The following ERG variants were observed in gnomAD, a reference collection of about 807,000 sequenced individuals.
The protein encoded by ERG is ETS transcription factor ERG.
Under a neutral mutation model 55.3 loss-of-function variants are expected in ERG, and 9 were observed. The ratio of observed to expected loss-of-function variants is 0.16; its 90% CI spans 0.10 to 0.28. The LOEUF (loss-of-function observed/expected upper bound fraction) is 0.28, where lower values mean the gene tolerates loss of function less well. Among genes scored for constraint, ERG ranks in the 10% least tolerant of loss-of-function variants. ERG has a pLI of 1.00. For missense variants in ERG, 434 were observed against 631.6 expected (o/e 0.69, Z 3.35); for synonymous variants, 223 against 237.3 (o/e 0.94, Z 0.55).
intron 2 of ERG, among the ~76,000 whole-genome samples, chr21:38,429,973 T>C (rs984170864): frequency 6.6e-6 from 1 of 152,206 alleles, no homozygotes; most frequent in Non-Finnish European, 1.5e-5. Context: ...ACTAGTTCCA[T>C]AGTGGTTGTA....
At chr21:38,513,511 T>C (rs999050163) in intron 2 of ERG, among the ~76,000 whole-genome samples, 3 of 152,212 alleles carry the variant, frequency 2.0e-5, no homozygotes, top group East Asian at 1.9e-4. Context: ...ATTTTGGGCA[T>C]TGAGGATTCA....
chr21:38,607,652 A>G (rs930012420), intron 1 of ERG, among the ~76,000 whole-genome samples: 7 of 152,204 alleles, frequency 4.6e-5, no homozygotes, highest in Admixed American at 1.3e-4. Flanking sequence ...AAAAAAATAC[A>G]AAGGTAAACA....
chr21:38,456,726 G>C (rs557689369), intron 1 of ERG, among the ~76,000 whole-genome samples: 11 of 152,316 alleles, frequency 7.2e-5, no homozygotes, highest in South Asian at 6.2e-4. Flanking sequence ...TCCCTGCCAA[G>C]GTCTTTCTTC....
rs186523256 is a variant in ERG, at chr21:38,415,846, T to C, written c.388+7564A>G. On this transcript the variant is annotated intron_variant, in intron 3 of 9. Transcript: ENST00000288319. The stretch of plus-strand genomic sequence containing the variant: ...ATTACTGTTAACTTGATAAATCACA[T>C]TTACTCTCCTCCACACAGAATCCAA... Among the ~76,000 whole-genome samples the C allele has an allele frequency of 2.3e-4, 35 of 152,184 alleles. 1 individual carries two copies. The highest frequency in any genetic ancestry group is 2.0e-3 in the Admixed American group (31 of 15,270).
At chr21:38,384,055 C>A in intron 9 of ERG, 132 bp from the exon 10 acceptor site, 1 of 1,230,940 alleles carries the variant, frequency 8.1e-7, no homozygotes, top group Non-Finnish European at 1.1e-6. Context: ...GTCCGTCCAT[C>A]CCTCAGCTGC....
chr21:38,429,577 A>G lies in ERG; in HGVS notation c.237-6016T>C, dbSNP rs1315438500. Among the ~76,000 whole-genome samples, 2 of 90,590 alleles carry G rather than the reference A, an allele frequency of 2.2e-5. 1 individual carries two copies. The highest frequency in any genetic ancestry group is 7.0e-5 in the African/African-American group (2 of 28,620). The allele number at this position is 90,590 out of a possible 152,430, so 59.4% of individuals were successfully genotyped here. A position where few individuals can be genotyped will look rare whatever the true frequency, so the allele number is the denominator to read the frequency against. On this transcript the variant is annotated intron_variant, in intron 2 of 9. Coordinates refer to ENST00000288319, the MANE Select transcript of ERG (RefSeq NM_182918.4). ...TATGTACATGTATACACATGTACAT[A>G]TATACATATGTGTATATGTACATGT... is the stretch of plus-strand genomic sequence containing the variant.
chr21:38,532,376 T>C (rs1004915203), intron 2 of ERG, among the ~76,000 whole-genome samples: 2 of 147,548 alleles, frequency 1.4e-5, no homozygotes, highest in Non-Finnish European at 3.0e-5. Flanking sequence ...GGAAATGTGA[T>C]TGTAGGCTTC....
intron 1 of ERG, among the ~76,000 whole-genome samples, chr21:38,455,600 A>G (rs2058980749): frequency 6.6e-6 from 1 of 152,158 alleles, no homozygotes; most frequent in Non-Finnish European, 1.5e-5. Flanking sequence ...TCATCTGTGA[A>G]TCTCTGACAC....
At chr21:38,658,131 A>C (rs1363013986) in intron 1 of ERG, among the ~76,000 whole-genome samples, 1 of 152,236 alleles carries the variant, frequency 6.6e-6, no homozygotes, top group Admixed American at 6.5e-5. Context: ...AGGAAAAAAG[A>C]ACTCCTTTGC....
chr21:38,395,876 T>C (rs2146438839), intron 6 of ERG, among the ~76,000 whole-genome samples: 1 of 152,286 alleles, frequency 6.6e-6, no homozygotes, highest in East Asian at 1.9e-4. Flanking sequence ...ACATTCTCCC[T>C]TCATCAAACT....
upstream of ERG, among the ~76,000 whole-genome samples, chr21:38,589,682 C>T (rs1022925361): frequency 2.0e-5 from 3 of 152,130 alleles, no homozygotes; most frequent in African/African-American, 4.8e-5. Flanking sequence ...AGAGCCATCC[C>T]AGGACCATGA....
At chr21:38,551,250 G>A (rs2059822539) in intron 2 of ERG, among the ~76,000 whole-genome samples, 2 of 151,072 alleles carry the variant, frequency 1.3e-5, no homozygotes, top group Admixed American at 6.6e-5. Context: ...TTCTTTATCA[G>A]TCTAGCTAGT....
intron 1 of ERG, among the ~76,000 whole-genome samples, chr21:38,651,501 A>G (rs369662742): frequency 6.6e-6 from 1 of 152,238 alleles, no homozygotes; most frequent in South Asian, 2.1e-4. Context: ...AAGATTTCAT[A>G]TAGAAAAAAA....
Position 38,400,580 on chromosome 21 carries a change from T to C in ERG, c.739A>G (p.Arg247Gly). ...CACAGGGGTGTTTTCGTACCTGGCC[T>C]AGTTGTAATTCTTTGCGTAGCTTCA... ...YPEATQRITT[R>G]PDLPYEPPRR... Residue 247 changes from arginine to glycine, a missense_variant, in exon 6 of 10, where the codon AGG (arginine) becomes GGG (glycine). Arg to Gly is a moderately radical substitution (Grantham distance 125). Transcript: ENST00000288319. The C allele has an allele frequency of 6.2e-7, 1 of 1,613,244 alleles. No homozygotes were observed. The highest frequency in any genetic ancestry group is 8.5e-7 in the Non-Finnish European group (1 of 1,179,130).
At chr21:38,519,544 T>G (rs1234383087) in intron 2 of ERG, among the ~76,000 whole-genome samples, 2 of 152,204 alleles carry the variant, frequency 1.3e-5, no homozygotes, top group African/African-American at 4.8e-5. Context: ...TTCCTTGTGG[T>G]GACTCTCATT....
At chr21:38,660,990 GGGAGGAAGAGGA>G (rs961611478) in intron 1 of ERG, among the ~76,000 whole-genome samples, 20 of 152,088 alleles carry the variant, frequency 1.3e-4, no homozygotes, top group South Asian at 1.2e-3. Context: ...TGGCGGCTCC[GGGAGGAAGAGGA>G]GGAGGAAGAG....
intron 1 of ERG, among the ~76,000 whole-genome samples, chr21:38,591,234 G>T (rs77282337): frequency 2.0e-5 from 3 of 152,158 alleles, no homozygotes; most frequent in African/African-American, 7.2e-5. Context: ...CCAACCATAC[G>T]CATTGAGAAC....
chr21:38,619,732 A>G (rs2060279065), intron 1 of ERG, among the ~76,000 whole-genome samples: 1 of 152,252 alleles, frequency 6.6e-6, no homozygotes, highest in Admixed American at 6.5e-5. Context: ...ATACTGTCAC[A>G]TCTGTGAATT....
At chr21:38,654,364 C>A (rs1337638074) in intron 1 of ERG, among the ~76,000 whole-genome samples, 1 of 152,156 alleles carries the variant, frequency 6.6e-6, no homozygotes, top group Non-Finnish European at 1.5e-5. Context: ...CCCAGCTACT[C>A]GGGAGGCTGA....
Sources: gnomAD v4.1 joint callset for allele counts (sites outside exome capture counted in the v4.1 genomes callset) on GRCh38, gnomAD v4.1.1 for gene constraint, MANE v1.5 for transcripts, NCBI Gene and HGNC (gene_info 2026-07-23, HGNC 2026-07-21) for gene names.